The following CFAP74 variants were observed in gnomAD, a reference collection of about 807,000 sequenced individuals.
CFAP74 encodes the protein cilia and flagella associated protein 74.
In CFAP74, 124 loss-of-function variants were observed where a neutral mutation model predicts 188.9. The observed-to-expected ratio is 0.66, with a 90% CI of 0.57 to 0.76. The LOEUF is 0.76. CFAP74 is among the 30% of genes least tolerant of loss of function. CFAP74 has a pLI of 0.00. For synonymous variants in CFAP74, 956 were observed against 916.7 expected (o/e 1.04, Z -0.77); for missense variants, 2,198 against 2,165.2 (o/e 1.02, Z -0.30).
At chr1:1,977,131 A>G (rs1054744016) in intron 6 of CFAP74, among the ~76,000 whole-genome samples, 1 of 151,986 alleles carries the variant, frequency 6.6e-6, no homozygotes, top group African/African-American at 2.4e-5. Context: ...TACAGATGTG[A>G]GCCACCTCGC....
chr1:1,928,894 C>T lies in CFAP74; in HGVS notation c.3289-12G>A. On this transcript the variant is annotated splice_polypyrimidine_tract_variant and intron_variant, in intron 26 of 38. Transcript: ENST00000682832. ...TGGACCAGGCACCTCTGAGGAGAGA[C>T]CAGCGTGGGCACAGGGGTTGCCACT... 1 of 1,527,470 alleles carries T rather than the reference C, an allele frequency of 6.5e-7. No individual in the cohort carries two copies. Among genetic ancestry groups the T allele is most frequent in the Non-Finnish European group, 8.8e-7 (1 of 1,139,534 alleles). 94.6% of individuals were successfully genotyped at this position (1,527,470 alleles called of 1,614,324 possible).
intron 15 of CFAP74, among the ~76,000 whole-genome samples, chr1:1,959,563 T>C (rs891486321): frequency 7.2e-5 from 11 of 152,226 alleles, no homozygotes; most frequent in African/African-American, 2.6e-4. Flanking sequence ...ACCACACCCC[T>C]CCCTCCTGTA....
Position 1,968,310 on chromosome 1 carries a change from G to C in CFAP74, c.1245+325C>G, listed in dbSNP as rs944330775. Among the ~76,000 whole-genome samples the C allele has an allele frequency of 6.6e-6, 1 of 152,188 alleles. No homozygotes were observed. Among genetic ancestry groups the C allele is most frequent in the Non-Finnish European group, 1.5e-5 (1 of 68,008 alleles). On this transcript the variant is annotated intron_variant, in intron 11 of 38. Coordinates refer to ENST00000682832, the MANE Select transcript of CFAP74 (RefSeq NM_001304360.2). The surrounding 1 kb of genome is among the most constrained non-coding windows in gnomAD (Gnocchi z 4.3). The stretch of plus-strand genomic sequence containing the variant: ...GGCAGGCGGCTGACCCAGCTCTACA[G>C]GGCCAGGCAAGGTGGTCCCAGCCTG...
intron 4 of CFAP74, among the ~76,000 whole-genome samples, chr1:1,987,547 C>CT (rs70940708): frequency 0.61 from 90,614 of 148,410 alleles, 29,689 homozygotes; most frequent in African/African-American, 0.88. Flanking sequence ...CTGGAGGTCG[C>CT]TTTTTTTTTT....
chr1:1,954,648 G>A (rs1345937776), intron 18 of CFAP74: 2 of 209,938 alleles, frequency 9.5e-6, no homozygotes, highest in Non-Finnish European at 1.7e-5. Context: ...GCCAGGTGCG[G>A]TGGTGCGTGC....
intron 25 of CFAP74, among the ~76,000 whole-genome samples, chr1:1,934,092 G>A (rs545996743): frequency 1.2e-4 from 19 of 152,316 alleles, no homozygotes; most frequent in African/African-American, 3.6e-4. Context: ...ATGAGGTCCC[G>A]GTCTGCATGG....
At chr1:1,948,085 C>A (rs190911773) in intron 18 of CFAP74, among the ~76,000 whole-genome samples, 6 of 151,878 alleles carry the variant, frequency 4.0e-5, no homozygotes, top group South Asian at 2.1e-4. Flanking sequence ...ATCGGCCAGA[C>A]TGGTCTCGAA....
rs1372321109 is a variant in CFAP74 at position 1,923,530 on chromosome 1, C to T, written c.4390-31G>A. On this transcript the variant is annotated intron_variant, in intron 35 of 38. Coordinates refer to ENST00000682832, the MANE Select transcript of CFAP74 (RefSeq NM_001304360.2). This position sits in a 1 kb window ranked among gnomAD's most constrained non-coding sequence, Gnocchi z 6.3. ...GACAAGAAGTGGAGTGGCCTTGTCCCCGAAGCTCGGCGGCAGGGGTCCTGC... is the reference window on the plus strand; with the variant it reads ...GACAAGAAGTGGAGTGGCCTTGTCCTCGAAGCTCGGCGGCAGGGGTCCTGC... The T allele has an allele frequency of 6.3e-7, 1 of 1,595,178 alleles. No homozygotes were observed. The highest frequency in any genetic ancestry group is 8.6e-7 in the Non-Finnish European group (1 of 1,166,922).
chr1:1,971,052 C>T (rs1359501065), intron 9 of CFAP74, among the ~76,000 whole-genome samples: 31 of 148,330 alleles, frequency 2.1e-4, no homozygotes, highest in African/African-American at 7.6e-4. Flanking sequence ...CACGTGCACA[C>T]ACATGCTCAC....
In CFAP74 at chr1:1,926,760, G is replaced by T; in HGVS notation, c.3664C>A (p.Pro1222Thr). Residue 1222 changes from proline (P) to threonine (T), a missense_variant and splice_region_variant, in exon 30 of 39, where the codon CCC becomes ACC. Coordinates refer to ENST00000682832, the MANE Select transcript of CFAP74 (RefSeq NM_001304360.2). The stretch of plus-strand genomic sequence containing the variant: ...AGCTCCAGGTACAGGGTGTTGTGGG[G>T]GCTGGGATAGGAAGGGCATGCTGAG... ...RKGSEPLSFS[P>T]HNTLYLELWC... 1.3e-6 allele frequency: 2 copies of T among 1,550,052 alleles called. No homozygotes were observed. The highest frequency in any genetic ancestry group is 1.7e-6 in the Non-Finnish European group (2 of 1,146,758).
Position 1,942,741 on chromosome 1 carries a change from G to A in CFAP74, c.2487-585C>T, listed in dbSNP as rs1344840513. ...AACGGCCTCCTCAGGACCACCTGGA[G>A]CCTCCCTGTTCCCACAGTGAAGCCT... On this transcript the variant is annotated intron_variant, in intron 21 of 38. Coordinates refer to ENST00000682832, the MANE Select transcript of CFAP74 (RefSeq NM_001304360.2). The surrounding 1 kb of genome is among the most constrained non-coding windows in gnomAD (Gnocchi z 4.3). 6.6e-6 allele frequency among the ~76,000 whole-genome samples: 1 copy of A among 152,172 alleles called. No homozygotes were observed. Among genetic ancestry groups the A allele is most frequent in the African/African-American group, 2.4e-5 (1 of 41,436 alleles).
At chr1:1,999,420 G>T (rs966566296) in intron 1 of CFAP74, among the ~76,000 whole-genome samples, 2 of 152,178 alleles carry the variant, frequency 1.3e-5, no homozygotes, top group African/African-American at 4.8e-5. Context: ...AGTCGATGGG[G>T]GGTGGGAATG....
At chr1:1,925,620 G>T (rs1327633055) in intron 33 of CFAP74, among the ~76,000 whole-genome samples, 163 bp downstream of exon 33, 2 of 152,142 alleles carry the variant, frequency 1.3e-5, no homozygotes, top group Non-Finnish European at 1.5e-5. Context: ...GCAGGAGAGG[G>T]CGGCAGAGGC....
intron 6 of CFAP74, among the ~76,000 whole-genome samples, chr1:1,977,126 ATG>A (rs1438089655): frequency 6.6e-6 from 1 of 151,998 alleles, no homozygotes; most frequent in Non-Finnish European, 1.5e-5. Context: ...GGGATTACAG[ATG>A]TGAGCCACCT....
chr1:1,942,172 A>G lies in CFAP74; in HGVS notation c.2487-16T>C. Reference sequence around the variant, plus strand: ...AGCTTTCGACCTGTGGGCGTGTCGCAGGGCACTGGGTCAGGTGCCACAGTC... The same window carrying G: ...AGCTTTCGACCTGTGGGCGTGTCGCGGGGCACTGGGTCAGGTGCCACAGTC... On this transcript the variant is annotated splice_polypyrimidine_tract_variant and intron_variant, in intron 21 of 38. Transcript: ENST00000682832. This position sits in a 1 kb window ranked among gnomAD's most constrained non-coding sequence, Gnocchi z 4.3. 6.7e-7 allele frequency: 1 copy of G among 1,495,320 alleles called. No individual in the cohort carries two copies. The highest frequency in any genetic ancestry group is 8.9e-7 in the Non-Finnish European group (1 of 1,127,234). The allele number at this position is 1,495,320 out of a possible 1,614,324, so 92.6% of individuals were successfully genotyped here. A position where few individuals can be genotyped will look rare whatever the true frequency, so the allele number is the denominator to read the frequency against.
At chr1:1,965,660 G>A (rs188968242) in intron 12 of CFAP74, among the ~76,000 whole-genome samples, 2,000 of 152,246 alleles carry the variant, frequency 0.013, 21 homozygotes, top group Admixed American at 0.018. Context: ...CCCGGGGTGG[G>A]GGGGGCACTT....
chr1:1,961,089 G>C (rs918285824), intron 14 of CFAP74, among the ~76,000 whole-genome samples: 5 of 152,188 alleles, frequency 3.3e-5, no homozygotes, highest in Non-Finnish European at 5.9e-5. Context: ...TTGATTAGCA[G>C]CACTAAGGGG....
At chr1:1,991,853 C>T (rs1415312589) in intron 1 of CFAP74, among the ~76,000 whole-genome samples, 8 of 151,016 alleles carry the variant, frequency 5.3e-5, no homozygotes, top group South Asian at 2.1e-4. Flanking sequence ...TCCTGGCTAG[C>T]ACAGTGAAAC....
intron 14 of CFAP74, among the ~76,000 whole-genome samples, chr1:1,961,960 C>G (rs57794387): frequency 0.069 from 10,449 of 152,224 alleles, 1,227 homozygotes; most frequent in African/African-American, 0.24. Context: ...GAAGATGCCT[C>G]GTGGGAGAAG....
Sources: allele counts gnomAD v4.1 joint callset (sites outside exome capture counted in the v4.1 genomes callset), GRCh38; gene constraint gnomAD v4.1.1; non-coding constraint Gnocchi (gnomAD v3.1); transcripts MANE v1.5; gene names NCBI Gene and HGNC (gene_info 2026-07-23, HGNC 2026-07-21).